Variants in PTPRD observed in about 807,000 individuals in gnomAD.
PTPRD encodes receptor-type tyrosine-protein phosphatase delta.
Under a neutral mutation model 214.5 loss-of-function variants are expected in PTPRD, and 34 were observed. The observed-to-expected ratio is 0.16, with a 90% confidence interval of 0.12 to 0.21. The LOEUF (loss-of-function observed/expected upper bound fraction) is 0.21. PTPRD is among the 10% of genes least tolerant of loss of function. PTPRD has a pLI of 1.00. For synonymous variants in PTPRD, 1,128 were observed against 845.7 expected, an observed-to-expected ratio of 1.33 and a Z score of -5.79; for missense variants, 2,545 against 2,398.7, an observed-to-expected ratio of 1.06 and a Z score of -1.27.
At chr9:8,452,270 T>C (rs1447305805) in intron 33 of PTPRD, among the ~76,000 whole-genome samples, 2 of 152,246 alleles carry the variant, frequency 1.3e-5, no homozygotes, top group Non-Finnish European at 2.9e-5. Flanking sequence ...ACATGGATAA[T>C]TCTGGCTGTC....
intron 4 of PTPRD, among the ~76,000 whole-genome samples, chr9:9,968,815 G>A (rs1409772719): frequency 3.9e-5 from 6 of 152,102 alleles, no homozygotes; most frequent in South Asian, 2.1e-4. Context: ...ATTAGAGAAC[G>A]AGAAAGGAAA....
At chr9:10,343,772 T>C (rs2154446225) in intron 2 of PTPRD, among the ~76,000 whole-genome samples, 1 of 152,246 alleles carries the variant, frequency 6.6e-6, no homozygotes, top group South Asian at 2.1e-4. Context: ...TGCATAAATG[T>C]CTTCTTTTGA....
intron 11 of PTPRD, among the ~76,000 whole-genome samples, chr9:8,832,009 T>C (rs1601272425): frequency 6.6e-6 from 1 of 152,128 alleles, no homozygotes; most frequent in Admixed American, 6.6e-5. Context: ...GCATGACAGA[T>C]AAAAGGCAAC....
intron 8 of PTPRD, among the ~76,000 whole-genome samples, chr9:9,510,802 T>C (rs1052833101): frequency 6.6e-6 from 1 of 151,738 alleles, no homozygotes; most frequent in Admixed American, 6.6e-5. Context: ...GCAAAACATA[T>C]TTTTTCAATT....
intron 6 of PTPRD, among the ~76,000 whole-genome samples, chr9:9,737,767 G>A (rs1173583220): frequency 2.0e-5 from 3 of 151,812 alleles, no homozygotes; most frequent in Non-Finnish European, 4.4e-5. Flanking sequence ...TCATTTTTTT[G>A]CTATTATGAA....
At chr9:9,669,993 T>A (rs988715040) in intron 7 of PTPRD, among the ~76,000 whole-genome samples, 37 of 152,294 alleles carry the variant, frequency 2.4e-4, no homozygotes, top group African/African-American at 8.4e-4. Flanking sequence ...CTTCCTTTTT[T>A]AGCATTTTAT....
At chr9:9,504,609 C>T (rs756122120) in intron 8 of PTPRD, among the ~76,000 whole-genome samples, 9 of 151,628 alleles carry the variant, frequency 5.9e-5, no homozygotes, top group Non-Finnish European at 1.3e-4. Flanking sequence ...AAGATGCCTA[C>T]GCTCACCATT....
At chr9:8,939,661 A>G (rs2099019249) in intron 11 of PTPRD, among the ~76,000 whole-genome samples, 1 of 152,206 alleles carries the variant, frequency 6.6e-6, no homozygotes, top group Non-Finnish European at 1.5e-5. Context: ...AATCTGAAAA[A>G]GAATATCTTT....
At position 8,873,240 on chromosome 9, in the gene PTPRD, T is replaced by C. The variant is rs576426455; in HGVS notation, c.-103-139294A>G. On this transcript the variant is annotated intron_variant, in intron 11 of 45. Transcript: ENST00000381196. ...TAAATATTGAATGAAGGAATCTTTA[T>C]ATACATGGCCTCACTTCTTGACCCC... 1.7e-3 allele frequency among the ~76,000 whole-genome samples: 257 copies of C among 152,312 alleles called. 1 individual carries two copies. Among genetic ancestry groups the C allele is most frequent in the Middle Eastern group, 0.01 (3 of 294 alleles).
chr9:9,964,094 A>AGACGGAGGCAGAGACGGAGG (rs1566778872), intron 4 of PTPRD, among the ~76,000 whole-genome samples: 19 of 152,002 alleles, frequency 1.2e-4, no homozygotes, highest in Non-Finnish European at 2.2e-4. Flanking sequence ...GCAGAGACAG[A>AGACGGAGGCAGAGACGGAGG]CAAAGACAGA....
At chr9:9,088,035 C>T (rs1432558516) in intron 10 of PTPRD, among the ~76,000 whole-genome samples, 2 of 151,454 alleles carry the variant, frequency 1.3e-5, no homozygotes, top group African/African-American at 4.8e-5. Flanking sequence ...GCGTGCACCA[C>T]CATGCCTGGC....
chr9:8,987,630 T>A (rs924789371), intron 11 of PTPRD, among the ~76,000 whole-genome samples: 3 of 152,100 alleles, frequency 2.0e-5, no homozygotes, highest in African/African-American at 7.2e-5. Flanking sequence ...ATGTGTGTGC[T>A]TATGTGGACT....
intron 3 of PTPRD, among the ~76,000 whole-genome samples, chr9:10,231,845 T>C (rs903941447): frequency 5.7e-4 from 86 of 151,746 alleles, no homozygotes; most frequent in Non-Finnish European, 1.3e-4. Flanking sequence ...GTGGAGGTAT[T>C]TGGCAGCACC....
At chr9:8,545,502 G>C (rs1025236030) in intron 14 of PTPRD, among the ~76,000 whole-genome samples, 20 of 152,174 alleles carry the variant, frequency 1.3e-4, no homozygotes, top group African/African-American at 4.8e-4. Context: ...CATGTATCTT[G>C]ATAAAACGTA....
intron 34 of PTPRD, chr9:8,437,204 A>C: frequency 6.6e-7 from 1 of 1,524,796 alleles, no homozygotes; most frequent in Non-Finnish European, 8.8e-7. Flanking sequence ...TAACTTGAAG[A>C]ATGAAGGTTA....
In PTPRD at chr9:8,843,078, C is replaced by T. The variant is rs115321530; in HGVS notation, c.-103-109132G>A. ...CCCTCTTCCAACTATATTGCCACTC[C>T]TTAATTCCTCCCATACAGCTATGCA... On this transcript the variant is annotated intron_variant, in intron 11 of 45. Coordinates refer to ENST00000381196, the MANE Select transcript of PTPRD (RefSeq NM_002839.4). 9.4e-3 allele frequency among the ~76,000 whole-genome samples: 1,435 copies of T among 152,284 alleles called. 19 individuals are homozygous for T. Among genetic ancestry groups the T allele is most frequent in the African/African-American group, 0.033 (1,372 of 41,532 alleles).
intron 11 of PTPRD, among the ~76,000 whole-genome samples, chr9:8,844,529 G>A (rs560621354): frequency 1.3e-5 from 2 of 152,088 alleles, no homozygotes; most frequent in Admixed American, 1.3e-4. Context: ...CTCAAAATGA[G>A]GCCAAGATTA....
At chr9:10,162,748 T>TACATAC (rs2099136677) in intron 3 of PTPRD, among the ~76,000 whole-genome samples, 1 of 147,460 alleles carries the variant, frequency 6.8e-6, no homozygotes, top group Non-Finnish European at 1.5e-5. Context: ...TATATACATA[T>TACATAC]ACATATATAT....
At chr9:10,336,717 G>C (rs10123985) in intron 3 of PTPRD, among the ~76,000 whole-genome samples, 54,108 of 151,066 alleles carry the variant, frequency 0.36, 11,163 homozygotes, top group African/African-American at 0.57. Flanking sequence ...CAAAAAAGTC[G>C]ACAAATAACA....
Sources: allele counts gnomAD v4.1 joint callset (sites outside exome capture counted in the v4.1 genomes callset), GRCh38; gene constraint gnomAD v4.1.1; transcripts MANE v1.5; gene names NCBI Gene and HGNC (gene_info 2026-07-23, HGNC 2026-07-21).